ZNF148: variants seen among roughly 807,000 people sequenced by gnomAD.
ZNF148 encodes the protein Beta-Enolase Repressor Factor-1.
Under a neutral mutation model 67.7 loss-of-function variants are expected in ZNF148, and 7 were observed. The ratio of observed to expected loss-of-function variants is 0.10; its 90% CI spans 0.06 to 0.19. The LOEUF is 0.19. ZNF148 is among the 10% of genes least tolerant of loss of function. The pLI is 1.00. For missense variants in ZNF148, 583 were observed against 947.1 expected (o/e 0.62, Z 5.05); for synonymous variants, 333 against 330.7 (o/e 1.01, Z -0.08).
intron 1 of ZNF148, among the ~76,000 whole-genome samples, chr3:125,363,090 T>C (rs1404211325): frequency 1.3e-5 from 2 of 152,184 alleles, no homozygotes; most frequent in Non-Finnish European, 2.9e-5. Flanking sequence ...CATATGGCTG[T>C]CTTCCCCCAG....
chr3:125,279,418 GA>G (rs1938255748), intron 5 of ZNF148, among the ~76,000 whole-genome samples, 171 bp from the exon 6 acceptor site: 1 of 152,074 alleles, frequency 6.6e-6, no homozygotes, highest in Non-Finnish European at 1.5e-5. Flanking sequence ...TTAACTGTAG[GA>G]AAGTACAATG....
intron 1 of ZNF148, among the ~76,000 whole-genome samples, chr3:125,360,954 C>T (rs144455796): frequency 4.0e-4 from 61 of 151,832 alleles, no homozygotes; most frequent in African/African-American, 1.4e-3. Context: ...ATTGCTTGAG[C>T]CCAGGAGGCA....
chr3:125,354,054 T>A (rs1255793093), intron 1 of ZNF148, among the ~76,000 whole-genome samples: 1 of 152,142 alleles, frequency 6.6e-6, no homozygotes, highest in African/African-American at 2.4e-5. Context: ...TTAATAAAAA[T>A]ATAAGAAAGC....
At chr3:125,332,234 A>G (rs966773306) in intron 1 of ZNF148, among the ~76,000 whole-genome samples, 1 of 152,176 alleles carries the variant, frequency 6.6e-6, no homozygotes, top group Non-Finnish European at 1.5e-5. Flanking sequence ...AGGTAGTTAC[A>G]AACAAAAAAA....
chr3:125,271,739 T>C (rs1220739396), intron 7 of ZNF148, among the ~76,000 whole-genome samples: 1 of 152,222 alleles, frequency 6.6e-6, no homozygotes, highest in African/African-American at 2.4e-5. Flanking sequence ...TCAATAAATT[T>C]ACTTAAGTAT....
chr3:125,322,789 A>G (rs1940842464), intron 3 of ZNF148, among the ~76,000 whole-genome samples: 1 of 152,230 alleles, frequency 6.6e-6, no homozygotes, highest in Admixed American at 6.5e-5. Flanking sequence ...TAATATATCA[A>G]ACTTAAGTGA....
rs970566751 is a variant in ZNF148 at position 125,229,526 on chromosome 3, A to G, written c.*2815T>C. On this transcript the variant is annotated 3_prime_UTR_variant, in exon 9 of 9. Transcript: ENST00000360647. ...ATATGTGAGAATAAGGTTTTAAAAAACCCTTTAGAAGATGTTCAAGAGATA... is the reference window on the plus strand; with the variant it reads ...ATATGTGAGAATAAGGTTTTAAAAAGCCCTTTAGAAGATGTTCAAGAGATA... The G allele has an allele frequency of 1.3e-5, 2 of 152,012 alleles. No individual in the cohort carries two copies. The highest frequency in any genetic ancestry group is 4.8e-5 in the African/African-American group (2 of 41,370). The allele number at this position is 152,012 out of a possible 1,614,324, so 9.4% of individuals were successfully genotyped here.
At position 125,257,313 on chromosome 3, in the gene ZNF148, A is replaced by T. The variant is rs1045127006; in HGVS notation, c.667+20413T>A. On this transcript the variant is annotated intron_variant, in intron 7 of 8. Transcript: ENST00000360647. ...ACGCCTGTAATCCCAGCACTTTGGG[A>T]GGCCAAGGTGGGCAGATCACCTGAG... Among the ~76,000 whole-genome samples, 2 of 152,118 alleles carry T rather than the reference A, an allele frequency of 1.3e-5. 1 individual carries two copies. Among genetic ancestry groups the T allele is most frequent in the Admixed American group, 1.3e-4 (2 of 15,280 alleles).
chr3:125,332,186 A>G (rs753947111), intron 1 of ZNF148, among the ~76,000 whole-genome samples: 10 of 152,166 alleles, frequency 6.6e-5, no homozygotes, highest in Non-Finnish European at 4.4e-5. Context: ...ATAATTTAGC[A>G]TTTTCCAGTA....
intron 2 of ZNF148, among the ~76,000 whole-genome samples, chr3:125,323,659 C>A (rs1458395046): frequency 6.6e-6 from 1 of 151,954 alleles, no homozygotes; most frequent in Non-Finnish European, 1.5e-5. Context: ...ATAAACTTGG[C>A]CTTATAAAGA....
intron 1 of ZNF148, among the ~76,000 whole-genome samples, chr3:125,332,327 C>T (rs1181435776): frequency 6.6e-6 from 1 of 152,170 alleles, no homozygotes. Context: ...AAAGCATATA[C>T]ATGTCATTCC....
intron 5 of ZNF148, among the ~76,000 whole-genome samples, chr3:125,286,927 T>C (rs1938691897): frequency 6.6e-6 from 1 of 152,220 alleles, no homozygotes; most frequent in Non-Finnish European, 1.5e-5. Flanking sequence ...CCCAAAATAG[T>C]GGTATGCTGG....
intron 4 of ZNF148, among the ~76,000 whole-genome samples, chr3:125,308,051 G>A (rs1939985337): frequency 6.6e-6 from 1 of 152,114 alleles, no homozygotes; most frequent in Non-Finnish European, 1.5e-5. Flanking sequence ...ATTCATCATT[G>A]TTTTGTAGGC....
intron 1 of ZNF148, among the ~76,000 whole-genome samples, chr3:125,369,169 C>T (rs1041204903): frequency 4.6e-5 from 6 of 131,528 alleles, no homozygotes; most frequent in Non-Finnish European, 7.7e-5. Context: ...GGCTGAGGCA[C>T]GAGAATCAGT....
At chr3:125,316,372 T>C (rs917981065) in intron 3 of ZNF148, among the ~76,000 whole-genome samples, 3 of 152,272 alleles carry the variant, frequency 2.0e-5, no homozygotes, top group Admixed American at 6.5e-5. Context: ...AGCAGTGCGA[T>C]TGCTAGATTG....
At chr3:125,329,413 GTGCAGTGGTGGCATCTTGGCTCAA>G (rs1941185306) in intron 2 of ZNF148, among the ~76,000 whole-genome samples, 1 of 145,130 alleles carries the variant, frequency 6.9e-6, no homozygotes, top group Non-Finnish European at 1.5e-5. Context: ...CCAGGCTGGA[GTGCAGTGGTGGCATCTTGGCTCAA>G]CGCAACCTCC....
At chr3:125,311,688 T>A (rs1940224463) in intron 4 of ZNF148, among the ~76,000 whole-genome samples, 1 of 152,022 alleles carries the variant, frequency 6.6e-6, no homozygotes, top group Non-Finnish European at 1.5e-5. Flanking sequence ...GTAATTTTTT[T>A]AAATTACTGT....
chr3:125,227,488 A>G lies in ZNF148; in HGVS notation c.*4853T>C, dbSNP rs1935688243. The G allele has an allele frequency of 6.6e-6, 1 of 152,600 alleles. No homozygotes were observed. The highest frequency in any genetic ancestry group is 2.4e-5 in the African/African-American group (1 of 41,450). 9.5% of individuals were successfully genotyped at this position (152,600 alleles called of 1,614,324 possible). On this transcript the variant is annotated 3_prime_UTR_variant, in exon 9 of 9. Transcript: ENST00000360647. ...ATTTAATTTCTTCTGTACAATGTTT[A>G]TAAACTTGTTTTTCTTTTCAAAATC...
Position 125,330,236 on chromosome 3 carries a change from G to A in ZNF148, c.-153+922C>T, listed in dbSNP as rs371057246. Among the ~76,000 whole-genome samples the A allele has an allele frequency of 4.6e-5, 7 of 151,846 alleles. No individual in the cohort carries two copies. In the East Asian group the frequency reaches 1.2e-3, roughly 25 times the overall value. ...TCCCAGCACTTTGGGAGGCCAAGGC[G>A]GATGGATTGCTTGAGCTCAGGAGTT... is the stretch of plus-strand genomic sequence containing the variant. On this transcript the variant is annotated intron_variant, in intron 2 of 8. Transcript: ENST00000360647.
Sources: allele counts gnomAD v4.1 joint callset (sites outside exome capture counted in the v4.1 genomes callset), GRCh38; gene constraint gnomAD v4.1.1; transcripts MANE v1.5; gene names NCBI Gene and HGNC (gene_info 2026-07-23, HGNC 2026-07-21).